The following KDM1A variants were observed in gnomAD, a reference collection of about 807,000 sequenced individuals.
The protein encoded by KDM1A is lysine-specific histone demethylase 1A.
A neutral mutation model predicts 109.4 loss-of-function variants in KDM1A; 49 were observed. The ratio of observed to expected loss-of-function variants is 0.45; its 90% CI spans 0.36 to 0.57. The LOEUF (loss-of-function observed/expected upper bound fraction) is 0.57. KDM1A is among the 20% of genes least tolerant of loss of function. The pLI, the probability that KDM1A is intolerant of heterozygous loss-of-function variation, is 0.00. For missense variants in KDM1A, 668 were observed against 1,116.6 expected (o/e 0.60, Z 5.73); for synonymous variants, 380 against 415.4 (o/e 0.91, Z 1.04).
Position 23,059,083 on chromosome 1 carries a change from T to C in KDM1A, c.1083T>C (p.Pro361=), listed in dbSNP as rs1209603268. 3.7e-6 allele frequency: 6 copies of C among 1,609,630 alleles called. No individual in the cohort carries two copies. In the Admixed American group the frequency reaches 6.8e-5, roughly 18 times the overall value. The part of the protein sequence containing the change: ...AMVVTGLGGN[P]MAVVSKQVNM... Reference sequence around the variant, plus strand: ...TGAGTTTTTTTCTAGGAGGGAATCCTATGGCTGTGGTCAGCAAACAAGTAA... The same window carrying C: ...TGAGTTTTTTTCTAGGAGGGAATCCCATGGCTGTGGTCAGCAAACAAGTAA... Residue 361 remains proline, a synonymous_variant, in exon 9 of 21, where the codon CCT becomes CCC. Coordinates refer to ENST00000400181, the MANE Select transcript of KDM1A (RefSeq NM_001009999.3).
intron 2 of KDM1A, among the ~76,000 whole-genome samples, chr1:23,032,875 AG>A (rs1377022472): frequency 5.9e-5 from 9 of 152,334 alleles, no homozygotes; most frequent in South Asian, 4.1e-4. Context: ...CTATATTAAA[AG>A]CTTGAGAGAA....
intron 2 of KDM1A, among the ~76,000 whole-genome samples, chr1:23,039,556 G>GT (rs1642246479): frequency 6.6e-6 from 1 of 152,138 alleles, no homozygotes; most frequent in South Asian, 2.1e-4. Flanking sequence ...TCACGTTCAG[G>GT]TTTGGGTACT....
At chr1:23,039,284 C>A (rs1356045217) in intron 2 of KDM1A, among the ~76,000 whole-genome samples, 1 of 152,126 alleles carries the variant, frequency 6.6e-6, no homozygotes, top group African/African-American at 2.4e-5. Context: ...ATCCCTTTTA[C>A]CAAGTCTGTT....
rs751157488 is a variant in KDM1A, at chr1:23,019,560, G to C, written c.-37G>C. ...TCGGACCCACGGAGCGACAGAGCGA[G>C]CGGCCCCTACGGCCGTCGGCGGCCC... On this transcript the variant is annotated 5_prime_UTR_variant, in exon 1 of 21. Transcript: ENST00000400181. The C allele has an allele frequency of 7.2e-7, 1 of 1,382,500 alleles. No individual in the cohort carries two copies. The highest frequency in any genetic ancestry group is 2.8e-5 in the East Asian group (1 of 35,644). 85.6% of individuals were successfully genotyped at this position (1,382,500 alleles called of 1,614,324 possible). A position where few individuals can be genotyped will look rare whatever the true frequency, so the allele number is the denominator to read the frequency against.
chr1:23,019,944 G>C lies in KDM1A; in HGVS notation c.348G>C (p.Ala116=), dbSNP rs748649267. 3 of 1,562,002 alleles carry C rather than the reference G, an allele frequency of 1.9e-6. No individual in the cohort carries two copies. Among genetic ancestry groups the C allele is most frequent in the Non-Finnish European group, 2.6e-6 (3 of 1,157,070 alleles). ...EGRRTSRRKR[A]KVEYREMDES... is the part of the protein sequence containing the mutation. The stretch of plus-strand genomic sequence containing the variant: ...GTCGGACCAGCCGGCGCAAGCGGGC[G>C]AAGGTAAGGCTCGACCCTTCCCTCA... Residue 116 remains alanine (A), a synonymous_variant, in exon 1 of 21, where the codon GCG becomes GCC. Coordinates refer to ENST00000400181, the MANE Select transcript of KDM1A (RefSeq NM_001009999.3).
At chr1:23,073,691 T>G (rs1643382991) in intron 15 of KDM1A, among the ~76,000 whole-genome samples, 1 of 152,218 alleles carries the variant, frequency 6.6e-6, no homozygotes, top group South Asian at 2.1e-4. Flanking sequence ...AACCACTGAT[T>G]TGCGTTATCA....
At chr1:23,053,939 C>A in intron 5 of KDM1A, 100 bp downstream of exon 5, 1 of 695,876 alleles carries the variant, frequency 1.4e-6, no homozygotes, top group South Asian at 1.6e-5. Context: ...TTTTTTCATT[C>A]ATATTTCCAT....
chr1:23,029,937 G>A (rs559586697), intron 1 of KDM1A, among the ~76,000 whole-genome samples: 1 of 152,350 alleles, frequency 6.6e-6, no homozygotes, highest in Admixed American at 6.5e-5. Context: ...ACTGCACCTG[G>A]CCTCTCCTAA....
rs1269583962 is a variant in KDM1A at position 23,083,573 on chromosome 1, G to A, written c.*209G>A. On this transcript the variant is annotated 3_prime_UTR_variant, in exon 21 of 21. Transcript: ENST00000400181. ...AACTTGTCCATTAGTTTGGAATTGTGTTCTTCGTAAAGACTGAGGCAAGCA... is the reference window on the plus strand; with the variant it reads ...AACTTGTCCATTAGTTTGGAATTGTATTCTTCGTAAAGACTGAGGCAAGCA... 7 of 432,698 alleles carry A rather than the reference G, an allele frequency of 1.6e-5. No homozygotes were observed. The highest frequency in any genetic ancestry group is 6.0e-4 in the Middle Eastern group (1 of 1,660). The allele number at this position is 432,698 out of a possible 1,614,324, so 26.8% of individuals were successfully genotyped here.
chr1:23,040,477 C>G (rs976664402), intron 2 of KDM1A, among the ~76,000 whole-genome samples: 2 of 152,168 alleles, frequency 1.3e-5, no homozygotes, highest in Admixed American at 1.3e-4. Context: ...TTTGGAGTAG[C>G]TGTGTACAAA....
intron 1 of KDM1A, among the ~76,000 whole-genome samples, chr1:23,029,154 A>G (rs895844458): frequency 6.6e-6 from 1 of 152,182 alleles, no homozygotes; most frequent in African/African-American, 2.4e-5. Flanking sequence ...AAGACAGTAT[A>G]AAAACAGCTG....
intron 2 of KDM1A, among the ~76,000 whole-genome samples, chr1:23,040,068 T>G (rs956812089): frequency 2.0e-5 from 3 of 152,266 alleles, no homozygotes; most frequent in Non-Finnish European, 4.4e-5. Flanking sequence ...TAGGTTGGCC[T>G]TCACTTTTAT....
At chr1:23,022,648 C>CTTTTTTTTTTTTTTTT (rs58124287) in intron 1 of KDM1A, among the ~76,000 whole-genome samples, 2 of 36,814 alleles carry the variant, frequency 5.4e-5, no homozygotes, top group Non-Finnish European at 4.6e-5. Context: ...CCTTCTTCTT[C>CTTTTTTTTTTTTTTTT]TTTTTTTTTT....
intron 9 of KDM1A, among the ~76,000 whole-genome samples, chr1:23,061,337 A>G (rs1569764589): frequency 6.6e-6 from 1 of 152,100 alleles, no homozygotes; most frequent in East Asian, 1.9e-4. Context: ...CAGCCCTTTG[A>G]GTAGCACTAT....
At chr1:23,069,778 G>A (rs960313141) in intron 12 of KDM1A, among the ~76,000 whole-genome samples, 1 of 152,236 alleles carries the variant, frequency 6.6e-6, no homozygotes, top group African/African-American at 2.4e-5. Context: ...CCCCAGGGCT[G>A]AACCGTTAGG....
In KDM1A at chr1:23,078,993, G is replaced by A; in HGVS notation, c.1871G>A (p.Cys624Tyr). The A allele has an allele frequency of 1.2e-6, 2 of 1,613,402 alleles. No individual in the cohort carries two copies. The highest frequency in any genetic ancestry group is 1.7e-6 in the Non-Finnish European group (2 of 1,179,416). ...TTTTCCCACCCAACCTCTGCAGGAT[G>A]TGAAGTGATAGCTGTGAATACCCGC... ...VRQVRYTASG[C>Y]EVIAVNTRST... Residue 624 changes from cysteine (C) to tyrosine (Y), a missense_variant, in exon 17 of 21, where the codon TGT becomes TAT. By Grantham distance (194) the Cys-to-Tyr change is radical. Around this residue, in one of 8 missense-constraint regions of KDM1A, gnomAD observed 162 missense variants for 376.4 expected, o/e 0.43. Coordinates refer to ENST00000400181, the MANE Select transcript of KDM1A (RefSeq NM_001009999.3).
In KDM1A at chr1:23,068,649, G is replaced by A. The variant is rs1381434355; in HGVS notation, c.1290G>A (p.Val430=). The change falls in exon 11 of 21, where the codon GTG becomes GTA. Residue 430 remains valine (V), a synonymous_variant. Transcript: ENST00000400181. ...LDFNVLNNKP[V]SLGQALEVVI... ...TCAATGTCCTCAATAATAAGCCTGT[G>A]TCCCTTGGCCAGGCATTGGAAGTTG... The A allele has an allele frequency of 3.1e-6, 5 of 1,589,060 alleles. No individual in the cohort carries two copies. The African/African-American group carries it at 5.4e-5, about 17-fold the overall frequency.
At chr1:23,056,970 C>T (rs1247821642) in intron 7 of KDM1A, among the ~76,000 whole-genome samples, 1 of 152,064 alleles carries the variant, frequency 6.6e-6, no homozygotes, top group Non-Finnish European at 1.5e-5. Flanking sequence ...TCAGTATGGA[C>T]TCTCTGCCCC....
chr1:23,060,446 TATC>T (rs926871808), intron 9 of KDM1A, among the ~76,000 whole-genome samples: 1 of 152,092 alleles, frequency 6.6e-6, no homozygotes, highest in Non-Finnish European at 1.5e-5. Context: ...ATCACAAACA[TATC>T]ATCCATAAAT....
Sources: allele counts gnomAD v4.1 joint callset (sites outside exome capture counted in the v4.1 genomes callset), GRCh38; gene constraint gnomAD v4.1.1; regional missense constraint gnomAD v4.1.1; transcripts MANE v1.5; gene names NCBI Gene and HGNC (gene_info 2026-07-23, HGNC 2026-07-21).